Variants in PEBP4 observed in about 807,000 individuals in gnomAD.
PEBP4 encodes the protein phosphatidylethanolamine binding protein 4.
PEBP4 carries 22 observed loss-of-function variants against 23.9 expected under a neutral mutation model. The ratio of observed to expected loss-of-function variants is 0.92; its 90% confidence interval spans 0.66 to 1.31. The LOEUF is 1.31. Ranked by LOEUF, PEBP4 falls within the 40% of genes most tolerant of loss-of-function variation. The probability of loss-of-function intolerance (pLI) is 0.00; values close to 1 mark genes in which losing one functional copy is unlikely to be tolerated. For synonymous variants in PEBP4, 112 were observed against 99.3 expected (o/e 1.13, Z -0.76); for missense variants, 324 against 281.7 (o/e 1.15, Z -1.07).
At chr8:22,868,888 G>C (rs985666082) in intron 3 of PEBP4, among the ~76,000 whole-genome samples, 1 of 152,138 alleles carries the variant, frequency 6.6e-6, no homozygotes, top group African/African-American at 2.4e-5. Context: ...CAGAGAAGTC[G>C]TGTTCAAACC....
At chr8:22,864,638 A>G (rs1256452203) in intron 3 of PEBP4, among the ~76,000 whole-genome samples, 2 of 152,170 alleles carry the variant, frequency 1.3e-5, no homozygotes, top group Non-Finnish European at 2.9e-5. Context: ...ATTCATTAGC[A>G]TTTGTAAAGG....
chr8:22,822,118 G>A (rs181213191), intron 3 of PEBP4, among the ~76,000 whole-genome samples: 4 of 152,232 alleles, frequency 2.6e-5, no homozygotes, highest in African/African-American at 9.6e-5. Flanking sequence ...AGGCAGATGA[G>A]GGCCACAAAG....
At position 22,783,331 on chromosome 8, in the gene PEBP4, G is replaced by A. The variant is rs776869719; in HGVS notation, c.357+34306C>T. Among the ~76,000 whole-genome samples, 12 of 152,364 alleles carry A rather than the reference G, an allele frequency of 7.9e-5. No individual in the cohort carries two copies. The South Asian group carries it at 1.7e-3, about 21-fold the overall frequency. ...TGGCTGTCTAATGTGGATGGCAGAC[G>A]TCTATGGATGAACGCCTCCTGGGAT... On this transcript the variant is annotated intron_variant, in intron 4 of 6. Transcript: ENST00000256404.
At chr8:22,894,083 G>A (rs137862913) in intron 3 of PEBP4, among the ~76,000 whole-genome samples, 16 of 152,146 alleles carry the variant, frequency 1.1e-4, no homozygotes, top group African/African-American at 3.4e-4. Context: ...GGCAGCCCGC[G>A]GCATATAGTA....
rs1385960869 is a variant in PEBP4 at position 22,770,601 on chromosome 8, T to C, written c.358-43381A>G. On this transcript the variant is annotated intron_variant, in intron 4 of 6. Coordinates refer to ENST00000256404, the MANE Select transcript of PEBP4 (RefSeq NM_144962.3). Reference sequence around the variant, plus strand: ...GCCAGATCTTCCTCCAGGTTATTCATTGTGACTGTGTGATTTTTCAATGTC... The same window carrying C: ...GCCAGATCTTCCTCCAGGTTATTCACTGTGACTGTGTGATTTTTCAATGTC... 3.9e-5 allele frequency among the ~76,000 whole-genome samples: 6 copies of C among 152,208 alleles called. No homozygotes were observed. In the East Asian group the frequency reaches 7.7e-4, roughly 20 times the overall value.
chr8:22,768,513 G>A (rs1011611878), intron 4 of PEBP4, among the ~76,000 whole-genome samples: 20 of 152,228 alleles, frequency 1.3e-4, no homozygotes, highest in African/African-American at 4.8e-4. Flanking sequence ...CCACGGTGCT[G>A]AGGTGACAGT....
intron 3 of PEBP4, among the ~76,000 whole-genome samples, chr8:22,879,855 A>G (rs1285581089): frequency 6.6e-6 from 1 of 152,236 alleles, no homozygotes; most frequent in African/African-American, 2.4e-5. Context: ...TCTTCCACAG[A>G]AGAAAAAAAT....
intron 2 of PEBP4, among the ~76,000 whole-genome samples, chr8:22,920,645 T>A (rs945272793): frequency 2.0e-5 from 3 of 152,210 alleles, no homozygotes; most frequent in Non-Finnish European, 4.4e-5. Flanking sequence ...AGAACAGATA[T>A]CCTTAGGCAA....
intron 2 of PEBP4, 47 bp downstream of exon 2, chr8:22,927,537 G>A (rs770187168): frequency 6.3e-7 from 1 of 1,575,324 alleles, no homozygotes; most frequent in Non-Finnish European, 8.6e-7. Context: ...CCATCTACCT[G>A]CCTGGTAGCC....
At chr8:22,758,739 G>A (rs1222630335) in intron 4 of PEBP4, among the ~76,000 whole-genome samples, 2 of 152,184 alleles carry the variant, frequency 1.3e-5, no homozygotes, top group Non-Finnish European at 2.9e-5. Flanking sequence ...TGATGTCATT[G>A]CTTCTGTCCA....
intron 3 of PEBP4, among the ~76,000 whole-genome samples, chr8:22,846,965 C>G (rs563717140): frequency 6.6e-6 from 1 of 152,048 alleles, no homozygotes; most frequent in African/African-American, 2.4e-5. Context: ...AGTTTGAAAC[C>G]AGCCTGGGCA....
intron 4 of PEBP4, among the ~76,000 whole-genome samples, chr8:22,741,431 C>T (rs904701260): frequency 3.3e-5 from 5 of 152,344 alleles, no homozygotes; most frequent in Middle Eastern, 3.4e-3. Flanking sequence ...GCACTTTTTA[C>T]AGTGCTCAGC....
At chr8:22,838,450 C>A (rs958801606) in intron 3 of PEBP4, among the ~76,000 whole-genome samples, 1 of 152,216 alleles carries the variant, frequency 6.6e-6, no homozygotes, top group Non-Finnish European at 1.5e-5. Flanking sequence ...GCTAAGGAGC[C>A]TGCACCTTGG....
intron 6 of PEBP4, among the ~76,000 whole-genome samples, chr8:22,717,595 A>T (rs907891): frequency 2.6e-5 from 4 of 151,962 alleles, no homozygotes; most frequent in African/African-American, 7.3e-5. Context: ...GGTTGCTGAG[A>T]CCTTGAGGTT....
In PEBP4 at chr8:22,871,901, C is replaced by T. The variant is rs145554638; in HGVS notation, c.258+48283G>A. Among the ~76,000 whole-genome samples the T allele has an allele frequency of 3.3e-3, 506 of 152,186 alleles. 4 individuals carry two copies. Among genetic ancestry groups the T allele is most frequent in the African/African-American group, 0.012 (481 of 41,506 alleles). On this transcript the variant is annotated intron_variant, in intron 3 of 6. Coordinates refer to ENST00000256404, the MANE Select transcript of PEBP4 (RefSeq NM_144962.3). ...TGTCACCCAAGTAGTGTATGCTGTA[C>T]CCAGTATGTAGTCTTTTATCCCTCA...
In PEBP4 at chr8:22,821,895, G is replaced by A. The variant is rs188751891; in HGVS notation, c.259-4160C>T. Among the ~76,000 whole-genome samples, 154 of 150,774 alleles carry A rather than the reference G, an allele frequency of 1.0e-3. 1 individual carries two copies. The highest frequency in any genetic ancestry group is 1.4e-3 in the Non-Finnish European group (96 of 67,854). ...AGCTACTCCAGAGGCTGAGGCAGGA[G>A]AATGGTGTGAACTCGGGAGGTGGAG... On this transcript the variant is annotated intron_variant, in intron 3 of 6. Transcript: ENST00000256404.
chr8:22,764,660 T>C (rs192552249), intron 4 of PEBP4, among the ~76,000 whole-genome samples: 1 of 151,984 alleles, frequency 6.6e-6, no homozygotes, highest in Admixed American at 6.5e-5. Context: ...TGGTGGGGAT[T>C]TGGAGCCTCA....
intron 3 of PEBP4, 32 bp downstream of exon 3, chr8:22,920,151 TC>T: frequency 1.3e-6 from 2 of 1,575,328 alleles, no homozygotes; most frequent in Non-Finnish European, 1.7e-6. Flanking sequence ...CCCCCAACTG[TC>T]CCCCCGCTTT....
At position 22,938,261 on chromosome 8, in the gene PEBP4, C is replaced by G. The variant is rs574897004; in HGVS notation, c.145-10541G>C. Among the ~76,000 whole-genome samples the G allele has an allele frequency of 9.9e-5, 15 of 152,052 alleles. No individual in the cohort carries two copies. The South Asian group carries it at 2.7e-3, about 27-fold the overall frequency. On this transcript the variant is annotated intron_variant, in intron 1 of 1. Transcript: ENST00000522278. ...AGACCTCTTGTTCAGCCTGTGTGGACTACTCTCTGTCTTCCCAATCAGCTG... is the reference window on the plus strand; with the variant it reads ...AGACCTCTTGTTCAGCCTGTGTGGAGTACTCTCTGTCTTCCCAATCAGCTG...
Sources: gnomAD v4.1 joint callset for allele counts (sites outside exome capture counted in the v4.1 genomes callset) on GRCh38, gnomAD v4.1.1 for gene constraint, MANE v1.5 for transcripts, NCBI Gene and HGNC (gene_info 2026-07-23, HGNC 2026-07-21) for gene names.